Variants in PPARGC1A observed in about 807,000 individuals in gnomAD.
The protein encoded by PPARGC1A is PPARG coactivator 1 alpha, also known as peroxisome proliferator-activated receptor gamma coactivator 1-alpha.
In PPARGC1A, 25 loss-of-function variants were observed where a neutral mutation model predicts 88.7. The ratio of observed to expected loss-of-function variants is 0.28; its 90% confidence interval spans 0.21 to 0.39. The LOEUF (loss-of-function observed/expected upper bound fraction) is 0.39, where lower values mean the gene tolerates loss of function less well. PPARGC1A is among the 10% of genes least tolerant of loss of function. The probability of loss-of-function intolerance (pLI) is 1.00; values close to 1 mark genes in which losing one functional copy is unlikely to be tolerated. For missense variants in PPARGC1A, 880 were observed against 968.7 expected (o/e 0.91, Z 1.22); for synonymous variants, 363 against 355.6 (o/e 1.02, Z -0.24).
At chr4:24,042,742 T>C in the PPARGC1A span, among the ~76,000 whole-genome samples, 1 of 152,206 alleles carries the variant, frequency 6.6e-6, no homozygotes, top group African/African-American at 2.4e-5. Context: ...TTAAATATCA[T>C]GATATAGTGT....
chr4:23,986,049 C>G, the PPARGC1A span, among the ~76,000 whole-genome samples: 3,087 of 152,072 alleles, frequency 0.02, 103 homozygotes, highest in African/African-American at 0.071. Flanking sequence ...TCCCCGAGCC[C>G]TTTGTCAGTT....
chr4:23,861,765 A>C (rs2148714607), intron 2 of PPARGC1A, among the ~76,000 whole-genome samples: 1 of 152,348 alleles, frequency 6.6e-6, no homozygotes, highest in Admixed American at 6.5e-5. Context: ...GATCACAGCT[A>C]CGTGCAATTT....
At chr4:24,454,510 A>T in the PPARGC1A span, among the ~76,000 whole-genome samples, 1 of 152,074 alleles carries the variant, frequency 6.6e-6, no homozygotes, top group Non-Finnish European at 1.5e-5. Flanking sequence ...CTGAGATGGG[A>T]GGATCACTTG....
the PPARGC1A span, among the ~76,000 whole-genome samples, chr4:24,387,210 C>G: frequency 7.9e-5 from 12 of 152,090 alleles, no homozygotes; most frequent in Admixed American, 7.2e-4. Context: ...GAAGCTGGAC[C>G]CTTTTCTTAT....
chr4:24,004,287 A>G, the PPARGC1A span, among the ~76,000 whole-genome samples: 1 of 152,224 alleles, frequency 6.6e-6, no homozygotes. Context: ...TTTAAAAAGA[A>G]AAGTCCAAAC....
chr4:24,353,604 C>T, the PPARGC1A span, among the ~76,000 whole-genome samples: 1 of 152,148 alleles, frequency 6.6e-6, no homozygotes, highest in African/African-American at 2.4e-5. Context: ...TTCTGTTTCC[C>T]ACCTGTAAAA....
the PPARGC1A span, among the ~76,000 whole-genome samples, chr4:24,229,605 A>G: frequency 1.1e-4 from 17 of 150,342 alleles, no homozygotes; most frequent in African/African-American, 4.1e-4. Context: ...GGCCGAGGTG[A>G]GTGGATCACT....
At chr4:24,120,946 C>G in the PPARGC1A span, among the ~76,000 whole-genome samples, 2 of 152,186 alleles carry the variant, frequency 1.3e-5, no homozygotes, top group Admixed American at 6.5e-5. Context: ...AAGACAATGG[C>G]AAAGCAAGGT....
At chr4:24,176,547 C>T in the PPARGC1A span, among the ~76,000 whole-genome samples, 1 of 152,250 alleles carries the variant, frequency 6.6e-6, no homozygotes, top group East Asian at 1.9e-4. Context: ...AACTAGAAAA[C>T]AGCCAGAAAC....
At chr4:24,285,006 C>CAACA in the PPARGC1A span, among the ~76,000 whole-genome samples, 2 of 151,772 alleles carry the variant, frequency 1.3e-5, no homozygotes, top group Non-Finnish European at 2.9e-5. Context: ...ACAGCCTGGG[C>CAACA]AACAGGGCGA....
At chr4:24,155,035 G>A in the PPARGC1A span, among the ~76,000 whole-genome samples, 5 of 152,054 alleles carry the variant, frequency 3.3e-5, no homozygotes, top group Admixed American at 3.3e-4. Context: ...TCTGGGCTTT[G>A]CTCAGGGAAG....
chr4:24,445,177 C>T, the PPARGC1A span, among the ~76,000 whole-genome samples: 9 of 152,242 alleles, frequency 5.9e-5, 1 homozygote, highest in East Asian at 1.7e-3. Flanking sequence ...ATGGCTAATC[C>T]CTCTTAGAGT....
chr4:23,812,440 A>G lies in PPARGC1A; in HGVS notation c.2019+307T>C, dbSNP rs117104690. ...AAGAAAAACTTATCCTGTGATCAGA[A>G]AGAACAAATATCTGACTGAAAAAAA... is the stretch of plus-strand genomic sequence containing the variant. On this transcript the variant is annotated intron_variant, in intron 10 of 12. Transcript: ENST00000264867. Among the ~76,000 whole-genome samples, 159 of 152,306 alleles carry G rather than the reference A, an allele frequency of 1.0e-3. No individual in the cohort carries two copies. The East Asian group carries it at 0.016, about 16-fold the overall frequency.
intron 10 of PPARGC1A, among the ~76,000 whole-genome samples, chr4:23,808,917 T>A (rs960706634): frequency 1.3e-4 from 20 of 152,218 alleles, no homozygotes; most frequent in African/African-American, 4.6e-4. Flanking sequence ...ATGACTTTAA[T>A]TTTGTAAAAT....
chr4:24,168,839 A>G, the PPARGC1A span, among the ~76,000 whole-genome samples: 3 of 152,254 alleles, frequency 2.0e-5, no homozygotes, highest in African/African-American at 4.8e-5. Flanking sequence ...GTGAATTAGG[A>G]AAAAGGAACA....
At chr4:24,318,301 A>C in the PPARGC1A span, among the ~76,000 whole-genome samples, 1 of 152,164 alleles carries the variant, frequency 6.6e-6, no homozygotes, top group Non-Finnish European at 1.5e-5. Context: ...CTGTGAAATG[A>C]TGGAATGTGA....
intron 10 of PPARGC1A, among the ~76,000 whole-genome samples, chr4:23,802,997 A>G (rs1003168937): frequency 6.6e-6 from 1 of 152,160 alleles, no homozygotes; most frequent in Non-Finnish European, 1.5e-5. Context: ...TACCTATTAA[A>G]TATTTGAACA....
At chr4:24,304,674 G>A in the PPARGC1A span, among the ~76,000 whole-genome samples, 1 of 152,112 alleles carries the variant, frequency 6.6e-6, no homozygotes, top group Admixed American at 6.5e-5. Flanking sequence ...ATGACCACTT[G>A]TTTCACTGAC....
the PPARGC1A span, among the ~76,000 whole-genome samples, chr4:24,172,567 C>T: frequency 9.5e-4 from 144 of 152,318 alleles, no homozygotes; most frequent in African/African-American, 3.4e-3. Flanking sequence ...ACAAATCTGT[C>T]TCCCTTCAGG....
Sources: gnomAD v4.1 joint callset for allele counts (sites outside exome capture counted in the v4.1 genomes callset) on GRCh38, gnomAD v4.1.1 for gene constraint, MANE v1.5 for transcripts, NCBI Gene and HGNC (gene_info 2026-07-23, HGNC 2026-07-21) for gene names.